The following LHFPL6 variants were observed in gnomAD, a reference collection of about 807,000 sequenced individuals.
LHFPL6 encodes LHFPL tetraspan subfamily member 6 protein.
LHFPL6 carries 9 observed loss-of-function variants against 20.6 expected under a neutral mutation model. The ratio of observed to expected loss-of-function variants is 0.44; its 90% CI spans 0.26 to 0.76. LHFPL6 has a LOEUF of 0.76. Among genes scored for constraint, LHFPL6 ranks in the 30% least tolerant of loss-of-function variants. LHFPL6 has a pLI of 0.20. For synonymous variants in LHFPL6, 105 were observed against 98.7 expected, an observed-to-expected ratio of 1.06 and a Z score of -0.38; for missense variants, 218 against 253.5, an observed-to-expected ratio of 0.86 and a Z score of 0.95.
intron 2 of LHFPL6, among the ~76,000 whole-genome samples, chr13:39,425,834 T>TA (rs1264979459): frequency 5.3e-5 from 8 of 152,054 alleles, no homozygotes; most frequent in South Asian, 4.2e-4. Flanking sequence ...TTCTCCTTTT[T>TA]AAAAAAAATA....
chr13:39,522,987 A>T lies in LHFPL6; in HGVS notation c.385+77845T>A, dbSNP rs187016642. The stretch of plus-strand genomic sequence containing the variant: ...ACCATATGAGTAGGTATCTGAAATC[A>T]GCAATATTCAAATGTAAGATGAGGG... On this transcript the variant is annotated intron_variant, in intron 2 of 3. Transcript: ENST00000379589. Among the ~76,000 whole-genome samples the T allele has an allele frequency of 1.3e-3, 201 of 152,316 alleles. 1 individual carries two copies. The highest frequency in any genetic ancestry group is 4.7e-3 in the African/African-American group (195 of 41,572).
intron 2 of LHFPL6, among the ~76,000 whole-genome samples, chr13:39,574,211 G>C (rs1043365197): frequency 6.6e-6 from 1 of 152,158 alleles, no homozygotes; most frequent in Non-Finnish European, 1.5e-5. Context: ...GGCCGGGCGC[G>C]GTGGCTCACG....
intron 3 of LHFPL6, among the ~76,000 whole-genome samples, chr13:39,363,555 T>C (rs1318507546): frequency 2.6e-5 from 4 of 152,232 alleles, no homozygotes; most frequent in Admixed American, 6.5e-5. Flanking sequence ...GCCCATAGTT[T>C]GCCAACCCCT....
intron 3 of LHFPL6, among the ~76,000 whole-genome samples, chr13:39,346,626 G>A (rs915165223): frequency 6.6e-6 from 1 of 152,012 alleles, no homozygotes; most frequent in Non-Finnish European, 1.5e-5. Context: ...TCAAACGCCC[G>A]ATCATCCCCC....
At chr13:39,527,569 C>T (rs1870331797) in intron 2 of LHFPL6, among the ~76,000 whole-genome samples, 1 of 150,698 alleles carries the variant, frequency 6.6e-6, no homozygotes, top group Non-Finnish European at 1.5e-5. Context: ...AAGTCTTGCA[C>T]TGAACCCAAG....
chr13:39,355,532 T>C (rs894662095), intron 3 of LHFPL6, among the ~76,000 whole-genome samples: 2 of 152,056 alleles, frequency 1.3e-5, no homozygotes, highest in Admixed American at 6.6e-5. Context: ...ACCTCACATA[T>C]CAATATAAAC....
chr13:39,574,020 G>T (rs1049799214), intron 2 of LHFPL6, among the ~76,000 whole-genome samples: 1 of 152,136 alleles, frequency 6.6e-6, no homozygotes, highest in African/African-American at 2.4e-5. Flanking sequence ...ATCTGTGTGC[G>T]AGACAGGGAA....
chr13:39,423,638 G>A (rs1425070499), intron 2 of LHFPL6, among the ~76,000 whole-genome samples: 1 of 152,108 alleles, frequency 6.6e-6, no homozygotes, highest in African/African-American at 2.4e-5. Flanking sequence ...AAGGATACAT[G>A]AGAATCATGT....
chr13:39,353,981 C>T (rs1332902134), intron 3 of LHFPL6, among the ~76,000 whole-genome samples: 1 of 152,150 alleles, frequency 6.6e-6, no homozygotes, highest in Non-Finnish European at 1.5e-5. Context: ...AAATCCCATG[C>T]ATTGAGTCTA....
chr13:39,397,075 G>A (rs75517007), intron 2 of LHFPL6, among the ~76,000 whole-genome samples: 1 of 151,732 alleles, frequency 6.6e-6, no homozygotes, highest in Admixed American at 6.6e-5. Flanking sequence ...ACCAGCCCTA[G>A]GAAACTAAAA....
intron 2 of LHFPL6, among the ~76,000 whole-genome samples, chr13:39,443,551 A>G (rs1872197686): frequency 6.6e-6 from 1 of 152,100 alleles, no homozygotes; most frequent in African/African-American, 2.4e-5. Context: ...ATGGAGTGGT[A>G]AGGGCAATTC....
At position 39,451,892 on chromosome 13, in the gene LHFPL6, C is replaced by G. The variant is rs138658616; in HGVS notation, c.386-73366G>C. 5.8e-3 allele frequency among the ~76,000 whole-genome samples: 885 copies of G among 152,120 alleles called. 9 individuals are homozygous for G. The highest frequency in any genetic ancestry group is 0.02 in the African/African-American group (835 of 41,498). On this transcript the variant is annotated intron_variant, in intron 2 of 3. Transcript: ENST00000379589. The stretch of plus-strand genomic sequence containing the variant: ...ATCCTATCTAAGCATAGTAATAAAA[C>G]TATAGAAAGCAGAAGTGTAAAACTA...
intron 2 of LHFPL6, among the ~76,000 whole-genome samples, chr13:39,453,093 C>T (rs541437429): frequency 6.6e-6 from 1 of 152,328 alleles, no homozygotes; most frequent in Non-Finnish European, 1.5e-5. Flanking sequence ...CACTCACCTG[C>T]ATATACCAGA....
At chr13:39,424,892 T>C (rs1191361946) in intron 2 of LHFPL6, among the ~76,000 whole-genome samples, 1 of 152,202 alleles carries the variant, frequency 6.6e-6, no homozygotes, top group Non-Finnish European at 1.5e-5. Context: ...ACTCTTAAAT[T>C]GTTTTAGACA....
intron 2 of LHFPL6, among the ~76,000 whole-genome samples, chr13:39,493,306 T>TG (rs1555264758): frequency 0.011 from 1,354 of 118,292 alleles, 16 homozygotes; most frequent in South Asian, 0.028. Context: ...CCATCTCTAC[T>TG]AAAAAAAAAA....
intron 3 of LHFPL6, among the ~76,000 whole-genome samples, chr13:39,370,105 G>GC (rs1392316308): frequency 6.6e-6 from 1 of 152,150 alleles, no homozygotes; most frequent in African/African-American, 2.4e-5. Context: ...ATGGAAAGAG[G>GC]CCCCTAAGAA....
chr13:39,377,210 C>A (rs1870312295), intron 3 of LHFPL6, among the ~76,000 whole-genome samples: 1 of 152,190 alleles, frequency 6.6e-6, no homozygotes, highest in African/African-American at 2.4e-5. Flanking sequence ...TTCATTAAAC[C>A]TAGCATAAAA....
chr13:39,499,545 G>C lies in LHFPL6; in HGVS notation c.385+101287C>G, dbSNP rs566423382. Among the ~76,000 whole-genome samples the C allele has an allele frequency of 1.4e-3, 208 of 147,390 alleles. 1 individual carries two copies. Among genetic ancestry groups the C allele is most frequent in the Non-Finnish European group, 2.5e-3 (164 of 65,732 alleles). On this transcript the variant is annotated intron_variant, in intron 2 of 3. Coordinates refer to ENST00000379589, the MANE Select transcript of LHFPL6 (RefSeq NM_005780.3). ...GCCCACTCTCAGTCCACGAGGTCCA[G>C]GTGTAGATGGCCCTATACGCCACCC...
intron 2 of LHFPL6, among the ~76,000 whole-genome samples, chr13:39,447,630 A>AAC (rs1422182915): frequency 6.6e-6 from 1 of 152,198 alleles, no homozygotes; most frequent in Admixed American, 6.5e-5. Flanking sequence ...CCTCTTCAAC[A>AAC]ACACATGGAG....
Sources: gnomAD v4.1 joint callset for allele counts (sites outside exome capture counted in the v4.1 genomes callset) on GRCh38, gnomAD v4.1.1 for gene constraint, MANE v1.5 for transcripts, NCBI Gene and HGNC (gene_info 2026-07-23, HGNC 2026-07-21) for gene names.